Variants in SLC25A26 observed in about 807,000 individuals in gnomAD.
SLC25A26 encodes mitochondrial S-adenosylmethionine carrier protein.
SLC25A26 carries 36 observed loss-of-function variants against 37.8 expected under a neutral mutation model. The observed-to-expected ratio is 0.95, with a 90% CI of 0.73 to 1.26. The LOEUF is 1.26. Among genes scored for constraint, SLC25A26 ranks in the 50% most tolerant of loss-of-function variants. The probability of loss-of-function intolerance (pLI) is 0.00; values close to 1 mark genes in which losing one functional copy is unlikely to be tolerated. For synonymous variants in SLC25A26, 129 were observed against 122.5 expected (o/e 1.05, Z -0.35); for missense variants, 390 against 331.1 (o/e 1.18, Z -1.38).
chr3:66,275,978 G>A (rs963405391), intron 5 of SLC25A26, among the ~76,000 whole-genome samples: 1 of 152,040 alleles, frequency 6.6e-6, no homozygotes, highest in South Asian at 2.1e-4. Flanking sequence ...CTTATATGGA[G>A]TATTAAGAGA....
intron 5 of SLC25A26, among the ~76,000 whole-genome samples, chr3:66,321,629 T>A (rs1204007816): frequency 6.6e-6 from 1 of 152,196 alleles, no homozygotes; most frequent in East Asian, 1.9e-4. Context: ...GAAGTACAGA[T>A]GAAGCAGGTT....
chr3:66,365,576 A>G (rs1302442073), intron 7 of SLC25A26, among the ~76,000 whole-genome samples: 1 of 152,204 alleles, frequency 6.6e-6, no homozygotes, highest in Non-Finnish European at 1.5e-5. Flanking sequence ...GTTTCTCATA[A>G]TAAACACCTC....
intron 5 of SLC25A26, among the ~76,000 whole-genome samples, chr3:66,300,175 C>G (rs2075030486): frequency 6.6e-6 from 1 of 151,498 alleles, no homozygotes; most frequent in Non-Finnish European, 1.5e-5. Flanking sequence ...AGGTTTGAAC[C>G]AAGCTAATCA....
intron 5 of SLC25A26, among the ~76,000 whole-genome samples, chr3:66,276,993 AAT>A (rs2074173641): frequency 6.6e-6 from 1 of 151,726 alleles, no homozygotes; most frequent in South Asian, 2.1e-4. Flanking sequence ...AGAAAATGTA[AAT>A]TTAAGCATAA....
intron 5 of SLC25A26, among the ~76,000 whole-genome samples, chr3:66,307,643 C>T (rs751185642): frequency 1.1e-4 from 17 of 152,070 alleles, no homozygotes; most frequent in Non-Finnish European, 4.4e-5. Flanking sequence ...TTAGGTCTTA[C>T]GTTTAAGTCT....
chr3:66,340,794 T>C (rs1478296243), intron 5 of SLC25A26, among the ~76,000 whole-genome samples: 2 of 152,154 alleles, frequency 1.3e-5, no homozygotes, highest in Non-Finnish European at 2.9e-5. Flanking sequence ...CTTTATTACA[T>C]CTTTCAAGAT....
rs2072107033 is a variant in SLC25A26, at chr3:66,233,036, T to C, written c.34-3508T>C. 2.0e-5 allele frequency among the ~76,000 whole-genome samples: 3 copies of C among 152,230 alleles called. No individual in the cohort carries two copies. The South Asian group carries it at 6.2e-4, about 32-fold the overall frequency. On this transcript the variant is annotated intron_variant, in intron 1 of 9. Coordinates refer to ENST00000354883, the MANE Select transcript of SLC25A26 (RefSeq NM_001379210.1). ...CGGGAATGTTTCCCTTGAGAAGCCA[T>C]GTTAATGTTATGGCTGGCTCTTCTT...
At chr3:66,253,031 C>CA (rs1337804568) in intron 3 of SLC25A26, among the ~76,000 whole-genome samples, 4 of 148,258 alleles carry the variant, frequency 2.7e-5, no homozygotes, top group Non-Finnish European at 6.0e-5. Flanking sequence ...ATGCCCCCCC[C>CA]CCCCCATAAA....
intron 5 of SLC25A26, among the ~76,000 whole-genome samples, chr3:66,263,944 C>A (rs113399578): frequency 2.0e-5 from 3 of 151,682 alleles, no homozygotes; most frequent in Admixed American, 6.6e-5. Context: ...AGGCGTGAGT[C>A]GCCGCGCCCG....
chr3:66,302,507 T>C (rs2075105231), intron 5 of SLC25A26, among the ~76,000 whole-genome samples: 1 of 152,186 alleles, frequency 6.6e-6, no homozygotes, highest in South Asian at 2.1e-4. Context: ...GTCATCGATA[T>C]CATTTTTTTG....
intron 6 of SLC25A26, among the ~76,000 whole-genome samples, chr3:66,346,782 G>A (rs1383429587): frequency 6.6e-6 from 1 of 151,178 alleles, no homozygotes; most frequent in Non-Finnish European, 1.5e-5. Context: ...AAGACTAACA[G>A]TGAGGGTAAA....
intron 1 of SLC25A26, among the ~76,000 whole-genome samples, chr3:66,214,796 G>C (rs1371111564): frequency 1.3e-5 from 2 of 148,942 alleles, no homozygotes; most frequent in Non-Finnish European, 3.0e-5. Flanking sequence ...TTTTTTTTTT[G>C]AGACATAGAA....
chr3:66,229,748 A>T (rs2071923765), intron 1 of SLC25A26, among the ~76,000 whole-genome samples: 1 of 152,214 alleles, frequency 6.6e-6, no homozygotes, highest in Admixed American at 6.5e-5. Flanking sequence ...AATCTGTTTG[A>T]TGGCAAAGCT....
upstream of SLC25A26, among the ~76,000 whole-genome samples, chr3:66,218,804 C>A (rs1018296123): frequency 2.6e-5 from 4 of 152,272 alleles, no homozygotes; most frequent in Admixed American, 2.6e-4. Flanking sequence ...AGGCTACCTG[C>A]CAATAGCTAG....
chr3:66,217,144 G>A (rs906158357), upstream of SLC25A26, among the ~76,000 whole-genome samples: 111 of 152,280 alleles, frequency 7.3e-4, no homozygotes, highest in Non-Finnish European at 1.0e-3. Context: ...TTCTTGCAAA[G>A]TTAAAGACAA....
intron 1 of SLC25A26, among the ~76,000 whole-genome samples, chr3:66,207,540 T>G (rs995112841): frequency 6.6e-6 from 1 of 152,194 alleles, no homozygotes; most frequent in South Asian, 2.1e-4. Flanking sequence ...ACATTGTATA[T>G]AAATTTGGAT....
At chr3:66,255,236 C>A (rs187884777) in intron 3 of SLC25A26, among the ~76,000 whole-genome samples, 93 of 152,264 alleles carry the variant, frequency 6.1e-4, no homozygotes, top group African/African-American at 2.2e-3. Flanking sequence ...GTCTTCACCT[C>A]CCTGAGTAGC....
chr3:66,241,545 A>G (rs1002400717), intron 2 of SLC25A26, among the ~76,000 whole-genome samples: 1 of 152,332 alleles, frequency 6.6e-6, no homozygotes, highest in Non-Finnish European at 1.5e-5. Flanking sequence ...GGGAGTTTAC[A>G]TATATAATGT....
intron 3 of SLC25A26, among the ~76,000 whole-genome samples, 178 bp from the exon 4 acceptor site, chr3:66,261,873 C>T (rs2073541048): frequency 6.7e-6 from 1 of 149,934 alleles, no homozygotes; most frequent in Admixed American, 6.6e-5. Context: ...GCTGACAAAA[C>T]AATGTACATG....
Sources: allele counts gnomAD v4.1 joint callset (sites outside exome capture counted in the v4.1 genomes callset), GRCh38; gene constraint gnomAD v4.1.1; transcripts MANE v1.5; gene names NCBI Gene and HGNC (gene_info 2026-07-23, HGNC 2026-07-21).